The following NOP58 variants were observed in gnomAD, a reference collection of about 807,000 sequenced individuals.
The protein encoded by NOP58 is NOP58 ribonucleoprotein.
In NOP58, 44 loss-of-function variants were observed where a neutral mutation model predicts 71.2. The ratio of observed to expected loss-of-function variants is 0.62; its 90% CI spans 0.49 to 0.79. The LOEUF (loss-of-function observed/expected upper bound fraction) is 0.79, where lower values mean the gene tolerates loss of function less well. Ranked by LOEUF, NOP58 falls within the 30% of genes least tolerant of loss-of-function variation. The probability of loss-of-function intolerance (pLI) is 0.00; values close to 1 mark genes in which losing one functional copy is unlikely to be tolerated. For synonymous variants in NOP58, 228 were observed against 200.3 expected (o/e 1.14, Z -1.17); for missense variants, 538 against 620.2 (o/e 0.87, Z 1.41).
chr2:202,282,928 G>T (rs746513198), intron 4 of NOP58, among the ~76,000 whole-genome samples: 1 of 152,022 alleles, frequency 6.6e-6, no homozygotes, highest in Non-Finnish European at 1.5e-5. Flanking sequence ...AGAACAATTC[G>T]GGCGGGGCGC....
intron 8 of NOP58, among the ~76,000 whole-genome samples, chr2:202,292,039 T>C (rs1168399502): frequency 8.0e-6 from 1 of 124,370 alleles, no homozygotes; most frequent in Non-Finnish European, 1.6e-5. Flanking sequence ...CAGGCTGGAG[T>C]GCAGTGGCAC....
rs1272191673 is a variant in NOP58, at chr2:202,290,441, G to A, written c.618G>A (p.Lys206=). 2.5e-6 allele frequency: 4 copies of A among 1,609,478 alleles called. No homozygotes were observed. The highest frequency in any genetic ancestry group is 1.1e-5 in the South Asian group (1 of 90,462). The part of the protein sequence containing the change: ...KIISDNLTYC[K]CLQKVGDRKN... ...TTTCAGATAATTTAACATACTGCAA[G>A]TGTTTACAGAAAGTTGGTGAGTAAT... The change falls in exon 7 of 15, where the codon AAG becomes AAA. Residue 206 remains lysine (K), a synonymous_variant. Transcript: ENST00000264279.
intron 12 of NOP58, among the ~76,000 whole-genome samples, chr2:202,298,333 TC>T (rs1173651167): frequency 6.6e-6 from 1 of 152,150 alleles, no homozygotes; most frequent in Non-Finnish European, 1.5e-5. Context: ...AATCTAAAGT[TC>T]CTCTATAATA....
intron 5 of NOP58, 160 bp downstream of exon 5, chr2:202,284,641 G>A: frequency 2.9e-6 from 2 of 689,176 alleles, no homozygotes; most frequent in Non-Finnish European, 4.6e-6. Context: ...TGAAGCCCAA[G>A]GTCAATACAG....
At chr2:202,299,718 G>C (rs1333641475) in intron 12 of NOP58, 1 of 152,054 alleles carries the variant, frequency 6.6e-6, no homozygotes, top group East Asian at 1.9e-4. Context: ...GCTTACATTA[G>C]AACAAAAGCA....
rs985068331 is a variant in NOP58, at chr2:202,269,740, CAAAAAAAA to C, written c.45+3755_45+3762del. Among the ~76,000 whole-genome samples, 17 of 151,074 alleles carry C rather than the reference CAAAAAAAA, an allele frequency of 1.1e-4. No individual in the cohort carries two copies. The South Asian group carries it at 1.5e-3, about 13-fold the overall frequency. On this transcript the variant is annotated intron_variant, in intron 1 of 14. Transcript: ENST00000264279. The stretch of plus-strand genomic sequence containing the variant: ...TGGGCGACAGGGCAAGACTCCGTCT[CAAAAAAAA>C]GAAAAAAAGAAAAAAAGAAATTCCA...
chr2:202,276,385 T>A (rs762879039), intron 2 of NOP58: 1 of 401,968 alleles, frequency 2.5e-6, no homozygotes, highest in East Asian at 6.5e-5. Context: ...ACTAGAAGAC[T>A]AGTTTTCCTT....
chr2:202,295,671 T>G lies in NOP58; in HGVS notation c.908-3T>G. On this transcript the variant is annotated splice_region_variant and splice_polypyrimidine_tract_variant and intron_variant, in intron 9 of 14. Coordinates refer to ENST00000264279, the MANE Select transcript of NOP58 (RefSeq NM_015934.5). ...CATTCTTTGTAACTTTTTTCTTTTG[T>G]AGGTTCTCTTTTAAATTTGGCCAAG... 6.4e-7 allele frequency: 1 copy of G among 1,563,058 alleles called. No individual in the cohort carries two copies. The highest frequency in any genetic ancestry group is 8.6e-7 in the Non-Finnish European group (1 of 1,156,840).
intron 5 of NOP58, among the ~76,000 whole-genome samples, chr2:202,285,384 T>A (rs1423434443): frequency 6.8e-6 from 1 of 146,132 alleles, no homozygotes; most frequent in Non-Finnish European, 1.5e-5. Context: ...GGTCTCACTC[T>A]GTTGCTCAGG....
rs994257300 is a variant in NOP58, at chr2:202,278,052, C to T, written c.175+50C>T. Reference sequence around the variant, plus strand: ...CTTTTTTGAAAAAATTAAGTCTTAGCCGTTTGTTTTTCTTGTTTAAAAGGT... The same window carrying T: ...CTTTTTTGAAAAAATTAAGTCTTAGTCGTTTGTTTTTCTTGTTTAAAAGGT... On this transcript the variant is annotated intron_variant, in intron 3 of 14. Transcript: ENST00000264279. 3 of 1,149,828 alleles carry T rather than the reference C, an allele frequency of 2.6e-6. No individual in the cohort carries two copies. The Admixed American group carries it at 5.3e-5, about 20-fold the overall frequency. The allele number at this position is 1,149,828 out of a possible 1,614,324, so 71.2% of individuals were successfully genotyped here.
intron 10 of NOP58, among the ~76,000 whole-genome samples, chr2:202,296,774 C>G (rs1454584595): frequency 6.6e-6 from 1 of 151,758 alleles, no homozygotes; most frequent in Non-Finnish European, 1.5e-5. Context: ...CACTCTGTCG[C>G]CCAGACTGGA....
rs144449862 is a variant in NOP58 at position 202,303,607 on chromosome 2, T to C, written c.*171T>C. On this transcript the variant is annotated 3_prime_UTR_variant, in exon 15 of 15. Coordinates refer to ENST00000264279, the MANE Select transcript of NOP58 (RefSeq NM_015934.5). ...CTTGACATCAACTCTGTTAACCTTA[T>C]GTCATCATTTCTTAGAGTCTTTGAT... 56 of 736,694 alleles carry C rather than the reference T, an allele frequency of 7.6e-5. No homozygotes were observed. In the African/African-American group the frequency reaches 7.7e-4, roughly 10 times the overall value. 45.6% of individuals were successfully genotyped at this position (736,694 alleles called of 1,614,324 possible).
chr2:202,301,932 A>C (rs1187493185), intron 13 of NOP58, among the ~76,000 whole-genome samples: 1 of 151,280 alleles, frequency 6.6e-6, no homozygotes, highest in African/African-American at 2.4e-5. Context: ...TTATGTCTCC[A>C]CTCTGCCACT....
At position 202,303,418 on chromosome 2, in the gene NOP58, G is replaced by A. The variant is rs561262109; in HGVS notation, c.1572G>A (p.Lys524=). The stretch of plus-strand genomic sequence containing the variant: ...AGAAAAAGAAGAAAAAGAAAAAAAA[G>A]AGAGAGAACGAGGATTAACAGAAAG... ...SPEKKKKKKK[K]RENED Residue 524 remains lysine, a synonymous_variant, in exon 15 of 15, where the codon AAG becomes AAA. Coordinates refer to ENST00000264279, the MANE Select transcript of NOP58 (RefSeq NM_015934.5). 2.8e-5 allele frequency: 45 copies of A among 1,609,454 alleles called. 1 individual carries two copies. Among genetic ancestry groups the A allele is most frequent in the South Asian group, 2.3e-4 (21 of 90,432 alleles).
intron 4 of NOP58, among the ~76,000 whole-genome samples, chr2:202,283,676 T>C (rs1424589647): frequency 6.7e-6 from 1 of 149,906 alleles, no homozygotes; most frequent in African/African-American, 2.5e-5. Context: ...ATTGACCTTG[T>C]GATCCACCCG....
intron 1 of NOP58, among the ~76,000 whole-genome samples, chr2:202,267,195 T>C (rs1224146616): frequency 6.6e-6 from 1 of 152,140 alleles, no homozygotes; most frequent in Non-Finnish European, 1.5e-5. Flanking sequence ...AATAAAGTTT[T>C]TATGTATATT....
At chr2:202,277,023 C>T (rs577520881) in intron 2 of NOP58, among the ~76,000 whole-genome samples, 153 of 152,266 alleles carry the variant, frequency 1.0e-3, no homozygotes, top group Non-Finnish European at 1.6e-3. Context: ...CACGGTGGCT[C>T]ACGCCTGTAA....
Position 202,274,614 on chromosome 2 carries a change from C to T in NOP58, c.46-499C>T, listed in dbSNP as rs555584438. Among the ~76,000 whole-genome samples, 48 of 151,806 alleles carry T rather than the reference C, an allele frequency of 3.2e-4. 1 individual carries two copies. Among genetic ancestry groups the T allele is most frequent in the Non-Finnish European group, 6.2e-4 (42 of 67,960 alleles). ...ATGGCTCTTTTAAAAGAAAGGTTCTCGGCCAGGTGCAGTGGTGCACACCTG... is the reference window on the plus strand; with the variant it reads ...ATGGCTCTTTTAAAAGAAAGGTTCTTGGCCAGGTGCAGTGGTGCACACCTG... On this transcript the variant is annotated intron_variant, in intron 1 of 14. Coordinates refer to ENST00000264279, the MANE Select transcript of NOP58 (RefSeq NM_015934.5).
In NOP58 at chr2:202,277,931, C is replaced by CT. The variant is rs141914741; in HGVS notation, c.123-9dup. ...ACTGCCCCCAATAACATGTTTATCT[C>CT]TTTTTTTTTTAATTCTAGAGTAAAG... On this transcript the variant is annotated intron_variant, in intron 2 of 14. Transcript: ENST00000264279. 4,691 of 1,171,334 alleles carry CT rather than the reference C, an allele frequency of 4.0e-3. No homozygotes were observed. Among genetic ancestry groups the CT allele is most frequent in the Non-Finnish European group, 4.9e-3 (4,041 of 829,170 alleles). The allele number at this position is 1,171,334 out of a possible 1,614,324, so 72.6% of individuals were successfully genotyped here. A position where few individuals can be genotyped will look rare whatever the true frequency, so the allele number is the denominator to read the frequency against.
Sources: gnomAD v4.1 joint callset for allele counts (sites outside exome capture counted in the v4.1 genomes callset) on GRCh38, gnomAD v4.1.1 for gene constraint, MANE v1.5 for transcripts, NCBI Gene and HGNC (gene_info 2026-07-23, HGNC 2026-07-21) for gene names.